FANCD2OS: variants seen among roughly 807,000 people sequenced by gnomAD.
The protein encoded by FANCD2OS is FANCD2 opposite strand.
In FANCD2OS, 11 loss-of-function variants were observed where a neutral mutation model predicts 13.2. That is an observed-to-expected ratio of 0.83 (90% CI 0.52 to 1.38). FANCD2OS has a LOEUF of 1.38. Ranked by LOEUF, FANCD2OS falls within the 40% of genes most tolerant of loss-of-function variation. The pLI, the probability that FANCD2OS is intolerant of heterozygous loss-of-function variation, is 0.00. For synonymous variants in FANCD2OS, 69 were observed against 84.5 expected, an observed-to-expected ratio of 0.82 and a Z score of 1.01; for missense variants, 217 against 213.9, an observed-to-expected ratio of 1.01 and a Z score of -0.09.
chr3:10,091,117 G>T lies in FANCD2OS; in HGVS notation c.*44-9586C>A, dbSNP rs372336739. On this transcript the variant is annotated intron_variant, in intron 2 of 2. Coordinates refer to the FANCD2OS transcript ENST00000524279. The stretch of plus-strand genomic sequence containing the variant: ...TCTTTTTGAGACAGGGTCTGAGTCT[G>T]ACATCCAGGTTGGAGTGTAGTGGTG... Among the ~76,000 whole-genome samples, 490 of 150,094 alleles carry T rather than the reference G, an allele frequency of 3.3e-3. 9 individuals carry two copies. The South Asian group carries it at 0.04, about 12-fold the overall frequency.
chr3:10,104,825 T>A, intron 1 of FANCD2OS, 43 bp from the exon 2 acceptor site: 1 of 1,497,076 alleles, frequency 6.7e-7, no homozygotes, highest in Non-Finnish European at 9.0e-7. Context: ...CTGACATGCT[T>A]TTCATGAGAG....
chr3:10,102,842 C>CAA (rs781512105), downstream of FANCD2OS: 75 of 67,790 alleles, frequency 1.1e-3, no homozygotes, highest in South Asian at 2.1e-3. Context: ...GACTCCGTCT[C>CAA]AAAAAAAAAA....
intron 2 of FANCD2OS, chr3:10,092,326 C>CTT: frequency 8.8e-7 from 1 of 1,138,920 alleles, no homozygotes; most frequent in Non-Finnish European, 1.3e-6. Context: ...CCAAAATGGA[C>CTT]TTTCCTTGCT....
downstream of FANCD2OS, among the ~76,000 whole-genome samples, chr3:10,100,108 A>G (rs1301601062): frequency 6.6e-6 from 1 of 152,154 alleles, no homozygotes; most frequent in East Asian, 1.9e-4. Flanking sequence ...GGGTTGCTCA[A>G]GCCCAGGAGG....
chr3:10,093,269 T>G, intron 2 of FANCD2OS: 1 of 1,612,062 alleles, frequency 6.2e-7, no homozygotes, highest in South Asian at 1.1e-5. Flanking sequence ...TGGTTTCTTG[T>G]CTTTCACCTC....
chr3:10,085,615 G>A (rs1694145560), intron 2 of FANCD2OS, among the ~76,000 whole-genome samples: 1 of 152,038 alleles, frequency 6.6e-6, no homozygotes, highest in African/African-American at 2.4e-5. Flanking sequence ...TGGTCTCCAT[G>A]TGTTGACCTC....
chr3:10,095,878 ATTT>A (rs397950663), intron 2 of FANCD2OS, among the ~76,000 whole-genome samples: 4 of 125,756 alleles, frequency 3.2e-5, no homozygotes, highest in African/African-American at 3.1e-5. Flanking sequence ...CTGAACAGTG[ATTT>A]TTTTTTTTTT....
intron 2 of FANCD2OS, among the ~76,000 whole-genome samples, chr3:10,086,937 C>T (rs1046264789): frequency 1.3e-5 from 2 of 152,144 alleles, no homozygotes; most frequent in South Asian, 4.1e-4. Flanking sequence ...GTCTTCTGCC[C>T]TGGCTTTTTC....
intron 2 of FANCD2OS, among the ~76,000 whole-genome samples, chr3:10,089,415 G>A (rs1406955827): frequency 1.3e-5 from 2 of 152,134 alleles, no homozygotes; most frequent in Non-Finnish European, 2.9e-5. Flanking sequence ...AGTCTGTTAT[G>A]CATTCCTTTC....
chr3:10,084,057 G>T (rs963790836), intron 2 of FANCD2OS, among the ~76,000 whole-genome samples: 1 of 150,684 alleles, frequency 6.6e-6, no homozygotes, highest in Non-Finnish European at 1.5e-5. Context: ...GCAGTGGCGC[G>T]ATCTCGGCTC....
downstream of FANCD2OS, among the ~76,000 whole-genome samples, chr3:10,100,385 T>C (rs1023998089): frequency 6.6e-6 from 1 of 152,154 alleles, no homozygotes; most frequent in African/African-American, 2.4e-5. Context: ...ACAGCACTTC[T>C]TTTTTTGAGA....
chr3:10,090,562 A>G (rs1032323912), intron 2 of FANCD2OS, among the ~76,000 whole-genome samples: 3 of 147,798 alleles, frequency 2.0e-5, no homozygotes, highest in African/African-American at 7.5e-5. Context: ...GGGTTCAAGC[A>G]ATTCTCCTGC....
chr3:10,090,785 G>A (rs1040858089), intron 2 of FANCD2OS, among the ~76,000 whole-genome samples: 3 of 152,104 alleles, frequency 2.0e-5, no homozygotes, highest in African/African-American at 4.8e-5. Flanking sequence ...TATGTCTTGG[G>A]TCCAAGTTTT....
At position 10,087,169 on chromosome 3, in the gene FANCD2OS, G is replaced by C. The variant is rs960135908; in HGVS notation, c.*44-5638C>G. 2 of 1,613,710 alleles carry C rather than the reference G, an allele frequency of 1.2e-6. No individual in the cohort carries two copies. Among genetic ancestry groups the C allele is most frequent in the Non-Finnish European group, 1.7e-6 (2 of 1,179,892 alleles). On this transcript the variant is annotated intron_variant, in intron 2 of 2. Transcript: ENST00000524279. ...CATTACTTGCAGAATTTCCATCAAA[G>C]CATTCCCAGTTTCCAGTGTGCTCTT... is the stretch of plus-strand genomic sequence containing the variant.
At chr3:10,088,363 G>C (rs1694362025) in intron 2 of FANCD2OS, 2 of 866,094 alleles carry the variant, frequency 2.3e-6, no homozygotes, top group Non-Finnish European at 4.0e-6. Context: ...TAATCCTTTT[G>C]ATCAATAATC....
downstream of FANCD2OS, chr3:10,103,049 G>T (rs1193002150): frequency 4.6e-6 from 2 of 439,168 alleles, no homozygotes; most frequent in Non-Finnish European, 9.0e-6. Flanking sequence ...TTGAGTCCAG[G>T]AGTTCAAGAC....
chr3:10,098,966 T>C (rs1439441185), downstream of FANCD2OS: 4 of 1,614,092 alleles, frequency 2.5e-6, no homozygotes, highest in Non-Finnish European at 2.5e-6. Flanking sequence ...TCTGTGCTTA[T>C]ATAATTTTTG....
At chr3:10,094,438 G>A (rs1694832280) in intron 2 of FANCD2OS, 1 of 1,272,086 alleles carries the variant, frequency 7.9e-7, no homozygotes, top group Admixed American at 1.7e-5. Context: ...TGACTCCTGG[G>A]TGGGGCTGGG....
intron 2 of FANCD2OS, among the ~76,000 whole-genome samples, chr3:10,082,864 A>G (rs1693930013): frequency 6.6e-6 from 1 of 152,176 alleles, no homozygotes. Context: ...TTATATCCTC[A>G]TTACTTAAAA....
Sources: gnomAD v4.1 joint callset for allele counts (sites outside exome capture counted in the v4.1 genomes callset) on GRCh38, gnomAD v4.1.1 for gene constraint, MANE v1.5 for transcripts, NCBI Gene and HGNC (gene_info 2026-07-23, HGNC 2026-07-21) for gene names.